TAL1: variants seen among roughly 807,000 people sequenced by gnomAD.
TAL1 encodes the protein T-cell acute lymphocytic leukemia protein 1.
Under a neutral mutation model 17.9 loss-of-function variants are expected in TAL1, and 8 were observed. The ratio of observed to expected loss-of-function variants is 0.45; its 90% confidence interval spans 0.26 to 0.81. The LOEUF (loss-of-function observed/expected upper bound fraction) is 0.81, where lower values mean the gene tolerates loss of function less well. Among genes scored for constraint, TAL1 ranks in the 30% least tolerant of loss-of-function variants. The pLI, the probability that TAL1 is intolerant of heterozygous loss-of-function variation, is 0.17. For missense variants in TAL1, 466 were observed against 486.9 expected, an observed-to-expected ratio of 0.96 and a Z score of 0.40; for synonymous variants, 223 against 218.6, an observed-to-expected ratio of 1.02 and a Z score of -0.18.
At chr1:47,225,604 T>A in exon 2 of TAL1, 1 of 1,363,262 alleles carries the variant, frequency 7.3e-7, no homozygotes. Flanking sequence ...GCCCGGGAGG[T>A]CTGCACAGCT....
At chr1:47,216,337 C>CATAT in exon 4 of TAL1, 1 of 219,754 alleles carries the variant, frequency 4.6e-6, no homozygotes, top group African/African-American at 2.2e-5. Flanking sequence ...TACATCCTCA[C>CATAT]ATATATATAC....
exon 4 of TAL1, chr1:47,216,398 G>A (rs1645495100): frequency 8.8e-6 from 2 of 227,510 alleles, no homozygotes; most frequent in African/African-American, 2.2e-5. Flanking sequence ...CACCCACAGT[G>A]TTGGCCTCTG....
chr1:47,231,120 G>T (rs1170703672), upstream of TAL1: 1 of 168,848 alleles, frequency 5.9e-6, no homozygotes, highest in Non-Finnish European at 1.3e-5. Flanking sequence ...CGGCCTCGGC[G>T]AGCGCTGCTC....
At chr1:47,221,951 G>A (rs1643819726) in intron 3 of TAL1, among the ~76,000 whole-genome samples, 1 of 152,244 alleles carries the variant, frequency 6.6e-6, no homozygotes, top group African/African-American at 2.4e-5. Flanking sequence ...CTCTGAAGCT[G>A]CCTTTCCAAA....
exon 4 of TAL1, chr1:47,219,814 G>A (rs1323454307): frequency 6.8e-6 from 11 of 1,608,490 alleles, no homozygotes; most frequent in Admixed American, 1.7e-5. Context: ...GTAGCTGTCC[G>A]GGCTGGCTGC....
At chr1:47,226,119 G>T in intron 1 of TAL1, 1 of 488,314 alleles carries the variant, frequency 2.0e-6, no homozygotes, top group Non-Finnish European at 3.6e-6. Context: ...GTGCCTGGGA[G>T]ACACAGAGAC....
chr1:47,226,240 A>C, intron 1 of TAL1: 1 of 287,848 alleles, frequency 3.5e-6, no homozygotes. Context: ...GAAATGTACA[A>C]GGAGGCAAGA....
intron 3 of TAL1, among the ~76,000 whole-genome samples, chr1:47,220,877 C>A (rs996360359): frequency 6.6e-6 from 1 of 152,194 alleles, no homozygotes; most frequent in Non-Finnish European, 1.5e-5. Flanking sequence ...TATTAAAAAA[C>A]AAACAAACCA....
chr1:47,225,488 C>A, exon 2 of TAL1: 1 of 1,235,310 alleles, frequency 8.1e-7, no homozygotes, highest in South Asian at 4.1e-5. Flanking sequence ...GAGCAGCGCG[C>A]GGCCGGGGGC....
At chr1:47,216,686 A>G (rs567943872) in exon 4 of TAL1, 1 of 231,890 alleles carries the variant, frequency 4.3e-6, no homozygotes, top group South Asian at 1.8e-4. Flanking sequence ...GAAAAGAATA[A>G]AGGTTGTACC....
At chr1:47,226,027 G>C in intron 1 of TAL1, 138 bp from the exon 3 acceptor site, 1 of 846,508 alleles carries the variant, frequency 1.2e-6, no homozygotes, top group Non-Finnish European at 1.7e-6. Context: ...GACAAAGTTA[G>C]CGCCACGTGG....
chr1:47,231,580 C>T (rs530047826), upstream of TAL1: 17 of 233,818 alleles, frequency 7.3e-5, no homozygotes, highest in South Asian at 5.4e-4. Flanking sequence ...CAATCCAGCA[C>T]AGTCGGGATC....
chr1:47,219,894 G>GGCGCCCCCCCCCC lies in TAL1; in HGVS notation c.821_822insGGGGGGGGGGCGC (p.Ala275GlyfsTer9). 1.9e-6 allele frequency: 3 copies of GGCGCCCCCCCCCC among 1,556,030 alleles called. No homozygotes were observed. The highest frequency in any genetic ancestry group is 1.2e-5 in the South Asian group (1 of 82,094). ...CTTGCAGGAGGTCATCTGGGGGCGC[G>GGCGCCCCCCCCCC]CCGCCCCCTCCCCCACCTCCACCCC... On this transcript the variant is annotated frameshift_variant, in exon 4 of 4. Transcript: ENST00000294339. LOFTEE classifies it high-confidence loss of function.
rs753933857 is a variant in TAL1, at chr1:47,219,772, C to T, written c.944G>A (p.Arg315His). 2.5e-6 allele frequency: 4 copies of T among 1,611,146 alleles called. No homozygotes were observed. The highest frequency in any genetic ancestry group is 2.7e-5 in the African/African-American group (2 of 74,926). Residue 315 changes from arginine (R) to histidine (H), a missense_variant, in exon 4 of 4, where the codon CGC becomes CAC. Transcript: ENST00000294339. The stretch of plus-strand genomic sequence containing the variant: ...AGGCAGCATGGCAGGATGGAGGCTG[C>T]GGGCCGTGTGCTTGGGCGCGGGCTC...
chr1:47,229,658 C>G (rs1228297003), exon 1 of TAL1: 1 of 153,800 alleles, frequency 6.5e-6, no homozygotes, highest in Non-Finnish European at 1.4e-5. Context: ...TCGAACCCTC[C>G]AACTGGGATC....
At chr1:47,224,419 C>T (rs990728741) in intron 2 of TAL1, among the ~76,000 whole-genome samples, 1 of 151,930 alleles carries the variant, frequency 6.6e-6, no homozygotes, top group South Asian at 2.1e-4. Context: ...CACACACACA[C>T]ACACACACAC....
exon 4 of TAL1, chr1:47,219,972 C>A: frequency 6.3e-7 from 1 of 1,587,014 alleles, no homozygotes; most frequent in South Asian, 1.1e-5. Context: ...GGGTGCCCTC[C>A]TCCTCCTGGT....
exon 1 of TAL1, chr1:47,229,251 A>C (rs1643964450): frequency 9.8e-6 from 2 of 203,320 alleles, no homozygotes; most frequent in Non-Finnish European, 1.0e-5. Flanking sequence ...CTCCGCCGGA[A>C]AGGGGCGGAA....
chr1:47,224,350 A>C (rs972946128), intron 2 of TAL1, among the ~76,000 whole-genome samples: 1 of 151,966 alleles, frequency 6.6e-6, no homozygotes, highest in Admixed American at 6.6e-5. Flanking sequence ...ACACAAACAC[A>C]GGCACATATG....
Sources: allele counts gnomAD v4.1 joint callset (sites outside exome capture counted in the v4.1 genomes callset), GRCh38; gene constraint gnomAD v4.1.1; transcripts MANE v1.5; gene names NCBI Gene and HGNC (gene_info 2026-07-23, HGNC 2026-07-21).